The following DCHS2 variants were observed in gnomAD, a reference collection of about 807,000 sequenced individuals.
The protein encoded by DCHS2 is dachsous cadherin-related 2, also known as protocadherin-23.
A neutral mutation model predicts 182.4 loss-of-function variants in DCHS2; 142 were observed. The ratio of observed to expected loss-of-function variants is 0.78; its 90% CI spans 0.68 to 0.89. DCHS2 has a LOEUF of 0.89. Among genes scored for constraint, DCHS2 ranks in the 40% least tolerant of loss-of-function variants. The probability of loss-of-function intolerance (pLI) is 0.00; values close to 1 mark genes in which losing one functional copy is unlikely to be tolerated. For synonymous variants in DCHS2, 1,740 were observed against 1,663.3 expected, an observed-to-expected ratio of 1.05 and a Z score of -1.12; for missense variants, 4,319 against 4,198.6, an observed-to-expected ratio of 1.03 and a Z score of -0.79.
Position 154,298,169 on chromosome 4 carries a change from G to A in DCHS2, c.6145C>T (p.Pro2049Ser). 1 of 1,614,010 alleles carries A rather than the reference G, an allele frequency of 6.2e-7. No individual in the cohort carries two copies. Among genetic ancestry groups the A allele is most frequent in the Non-Finnish European group, 8.5e-7 (1 of 1,179,990 alleles). The part of the protein sequence containing the change: ...EQNPFDVFLS[P>S]ESPTNQTTVI... ...GTTGTCTGGTTTGTAGGCGACTCGGGGGAAAGAAACACATCAAAAGGGTTC... is the reference window on the plus strand; with the variant it reads ...GTTGTCTGGTTTGTAGGCGACTCGGAGGAAAGAAACACATCAAAAGGGTTC... Residue 2049 changes from proline to serine, a missense_variant, in exon 13 of 20, where the codon CCC becomes TCC. Transcript: ENST00000357232.
intron 1 of DCHS2, among the ~76,000 whole-genome samples, chr4:154,431,785 C>A (rs1041686385): frequency 6.6e-6 from 1 of 152,164 alleles, no homozygotes; most frequent in African/African-American, 2.4e-5. Flanking sequence ...GGGCCTTCAG[C>A]CTTCTTTACA....
intron 1 of DCHS2, among the ~76,000 whole-genome samples, chr4:154,383,008 A>AT (rs1409740122): frequency 6.6e-6 from 1 of 152,206 alleles, no homozygotes; most frequent in Non-Finnish European, 1.5e-5. Flanking sequence ...AGGAAAATAA[A>AT]TTATTCTACC....
chr4:154,490,459 G>T lies in DCHS2; in HGVS notation c.897C>A (p.Asp299Glu), dbSNP rs777829175. The change falls in exon 1 of 20, where the codon GAC (aspartate) becomes GAA (glutamate). Residue 299 changes from aspartate to glutamate, a missense_variant. Asp to Glu is a conservative substitution (Grantham distance 45, BLOSUM62 2). Transcript: ENST00000357232. ...CCTCGCGCACCGCGGCGCGGTACTC[G>T]TCCTGCTCAAAGACCGGCGGGTTGT... Reference protein sequence around the residue: ...ENDNPPVFEQDEYRAAVREDA... With the variant: ...ENDNPPVFEQEEYRAAVREDA... The T allele has an allele frequency of 2.0e-6, 3 of 1,536,572 alleles. No individual in the cohort carries two copies. Among genetic ancestry groups the T allele is most frequent in the Non-Finnish European group, 2.6e-6 (3 of 1,146,444 alleles).
chr4:154,456,486 G>A (rs1340855758), intron 1 of DCHS2, among the ~76,000 whole-genome samples: 2 of 152,160 alleles, frequency 1.3e-5, no homozygotes, highest in Admixed American at 6.6e-5. Context: ...GATATGACAC[G>A]CTGCTGTGAG....
Position 154,489,319 on chromosome 4 carries a change from T to C in DCHS2, c.2037A>G (p.Gly679=), listed in dbSNP as rs1395912772. ...NATIAEHAPV[G]HCFLQVTASD... ...ATGCACTCACCTGCAGAAAGCAGTG[T>C]CCAACCGGGGCATGCTCTGCAATGG... Residue 679 remains glycine, a synonymous_variant, in exon 1 of 20, where the codon GGA becomes GGG. Transcript: ENST00000357232. 4 of 1,523,858 alleles carry C rather than the reference T, an allele frequency of 2.6e-6. No homozygotes were observed. Among genetic ancestry groups the C allele is most frequent in the Non-Finnish European group, 3.5e-6 (4 of 1,129,110 alleles). 94.4% of individuals were successfully genotyped at this position (1,523,858 alleles called of 1,614,324 possible).
chr4:154,316,160 A>G (rs1263444957), intron 9 of DCHS2, among the ~76,000 whole-genome samples, 173 bp from the exon 10 acceptor site: 1 of 152,222 alleles, frequency 6.6e-6, no homozygotes, highest in Non-Finnish European at 1.5e-5. Context: ...AATTAAAAGC[A>G]AACATTTTTA....
intron 8 of DCHS2, 67 bp downstream of exon 8, chr4:154,322,264 T>C: frequency 3.1e-6 from 5 of 1,598,488 alleles, no homozygotes; most frequent in Non-Finnish European, 4.3e-6. Flanking sequence ...CTTCACTCTA[T>C]AAACTTGTAA....
intron 16 of DCHS2, among the ~76,000 whole-genome samples, chr4:154,246,744 A>G (rs796343900): frequency 1.8e-4 from 28 of 152,242 alleles, no homozygotes; most frequent in African/African-American, 6.7e-4. Flanking sequence ...AAAAACAAAT[A>G]TATAATATCC....
At chr4:154,375,180 A>G (rs377020543) in intron 2 of DCHS2, among the ~76,000 whole-genome samples, 4 of 152,300 alleles carry the variant, frequency 2.6e-5, no homozygotes, top group East Asian at 1.9e-4. Flanking sequence ...CTAGATTGAA[A>G]AAAAGTAAGT....
At chr4:154,312,944 C>T (rs1399279039) in intron 10 of DCHS2, among the ~76,000 whole-genome samples, 2 of 152,160 alleles carry the variant, frequency 1.3e-5, no homozygotes, top group Non-Finnish European at 2.9e-5. Context: ...TAAGGTGTTT[C>T]TCCCTGGCTC....
At chr4:154,418,072 T>C (rs1024650328) in intron 1 of DCHS2, among the ~76,000 whole-genome samples, 1 of 152,238 alleles carries the variant, frequency 6.6e-6, no homozygotes, top group Non-Finnish European at 1.5e-5. Flanking sequence ...AATATTCTTA[T>C]TTTTGTAACA....
In DCHS2 at chr4:154,259,564, T is replaced by C. The variant is rs1166887475; in HGVS notation, c.6770A>G (p.Tyr2257Cys). 3.1e-6 allele frequency: 5 copies of C among 1,613,766 alleles called. No homozygotes were observed. The highest frequency in any genetic ancestry group is 4.2e-6 in the Non-Finnish European group (5 of 1,179,994). ...TGTTACCTGTATGACATGAGCATTG[T>C]AGAGTTGGCTTTCAGACACTGATGC... ...YQASVSESQL[Y>C]NAHVIQVFAT... is the part of the protein sequence containing the mutation. Residue 2257 changes from tyrosine to cysteine, a missense_variant, in exon 15 of 20, where the codon TAC becomes TGC. By Grantham distance (194) the Tyr-to-Cys change is radical. Coordinates refer to ENST00000357232, the MANE Select transcript of DCHS2 (RefSeq NM_001358235.2).
Position 154,236,481 on chromosome 4 carries a change from A to C in DCHS2, c.8171T>G (p.Leu2724Trp). Residue 2724 changes from leucine (L) to tryptophan (W), a missense_variant, in exon 20 of 20, where the codon TTG becomes TGG. Leu to Trp is a moderately conservative substitution (Grantham distance 61, BLOSUM62 -2). Transcript: ENST00000357232. ...YLEENTGVLYLIKPLDYEKMT... is the reference protein window; with the variant it reads ...YLEENTGVLYWIKPLDYEKMT... Reference sequence around the variant, plus strand: ...TTTTTCATAATCCAGAGGTTTAATCAAATAAAGAACTCCAGTGTTTTCTTC... The same window carrying C: ...TTTTTCATAATCCAGAGGTTTAATCCAATAAAGAACTCCAGTGTTTTCTTC... 3 of 1,614,084 alleles carry C rather than the reference A, an allele frequency of 1.9e-6. No homozygotes were observed. Among genetic ancestry groups the C allele is most frequent in the Non-Finnish European group, 2.5e-6 (3 of 1,179,978 alleles).
chr4:154,392,706 G>T (rs1161298844), intron 1 of DCHS2, among the ~76,000 whole-genome samples: 1 of 152,132 alleles, frequency 6.6e-6, no homozygotes, highest in Non-Finnish European at 1.5e-5. Context: ...TTGTATACCA[G>T]CTCCCAATAT....
chr4:154,449,810 T>A (rs73854775), intron 1 of DCHS2, among the ~76,000 whole-genome samples: 3,177 of 152,326 alleles, frequency 0.021, 123 homozygotes, highest in African/African-American at 0.072. Flanking sequence ...GCTAAAAATT[T>A]CCCTTAGGGC....
intron 7 of DCHS2, chr4:154,322,977 C>T (rs888228937): frequency 2.1e-5 from 9 of 434,650 alleles, no homozygotes; most frequent in African/African-American, 1.6e-4. Flanking sequence ...TTTCAACCAT[C>T]CCATAAATAC....
intron 1 of DCHS2, 101 bp downstream of exon 1, chr4:154,489,203 C>T: frequency 9.9e-7 from 1 of 1,006,006 alleles, no homozygotes; most frequent in Non-Finnish European, 1.4e-6. Flanking sequence ...TATTTGAGAG[C>T]CGGAATATTA....
Position 154,389,514 on chromosome 4 carries a change from G to T in DCHS2, c.2053-12070C>A, listed in dbSNP as rs567933825. Among the ~76,000 whole-genome samples the T allele has an allele frequency of 2.4e-4, 11 of 45,796 alleles. 1 individual carries two copies. The highest frequency in any genetic ancestry group is 7.0e-4 in the African/African-American group (11 of 15,748). 30.0% of individuals were successfully genotyped at this position (45,796 alleles called of 152,430 possible). A position where few individuals can be genotyped will look rare whatever the true frequency, so the allele number is the denominator to read the frequency against. ...TCTATGTTCTATTCCTAAAGACAAA[G>T]GTTATATATATATATATATATAACC... On this transcript the variant is annotated intron_variant, in intron 1 of 19. Coordinates refer to ENST00000357232, the MANE Select transcript of DCHS2 (RefSeq NM_001358235.2).
intron 1 of DCHS2, among the ~76,000 whole-genome samples, chr4:154,449,674 A>C (rs1009925752): frequency 3.9e-5 from 6 of 152,152 alleles, no homozygotes; most frequent in African/African-American, 1.4e-4. Context: ...CGCCCAGCCA[A>C]TCTTTATTTT....
Sources: allele counts gnomAD v4.1 joint callset (sites outside exome capture counted in the v4.1 genomes callset), GRCh38; gene constraint gnomAD v4.1.1; transcripts MANE v1.5; gene names NCBI Gene and HGNC (gene_info 2026-07-23, HGNC 2026-07-21).